The following MMP16 variants were observed in gnomAD, a reference collection of about 807,000 sequenced individuals.
MMP16 encodes matrix metallopeptidase 16.
In MMP16, 12 loss-of-function variants were observed where a neutral mutation model predicts 67.8. The ratio of observed to expected loss-of-function variants is 0.18; its 90% CI spans 0.11 to 0.29. The LOEUF is 0.29. Ranked by LOEUF, MMP16 falls within the 10% of genes least tolerant of loss-of-function variation. The pLI, the probability that MMP16 is intolerant of heterozygous loss-of-function variation, is 1.00. For missense variants in MMP16, 475 were observed against 765.7 expected (o/e 0.62, Z 4.48); for synonymous variants, 249 against 255.9 (o/e 0.97, Z 0.26).
chr8:88,218,388 T>A (rs781638794), intron 1 of MMP16, among the ~76,000 whole-genome samples: 2 of 152,022 alleles, frequency 1.3e-5, no homozygotes, highest in Non-Finnish European at 2.9e-5. Flanking sequence ...AATTGTATGA[T>A]GAATAAGTTC....
intron 4 of MMP16, among the ~76,000 whole-genome samples, chr8:88,152,006 A>C (rs1268206180): frequency 1.3e-5 from 1 of 74,926 alleles, no homozygotes; most frequent in East Asian, 3.3e-4. Context: ...AATCAAATAG[A>C]CACAATAAAA....
At chr8:88,194,073 G>C (rs1487823458) in intron 2 of MMP16, among the ~76,000 whole-genome samples, 1 of 151,622 alleles carries the variant, frequency 6.6e-6, no homozygotes, top group African/African-American at 2.4e-5. Context: ...TTAATATTAA[G>C]GCAATATTAT....
At chr8:88,281,697 G>A (rs1810740194) in intron 1 of MMP16, among the ~76,000 whole-genome samples, 1 of 152,162 alleles carries the variant, frequency 6.6e-6, no homozygotes, top group South Asian at 2.1e-4. Flanking sequence ...TCCCACACCT[G>A]GTAGAAGCAT....
chr8:88,147,276 T>G (rs1315827074), intron 4 of MMP16, among the ~76,000 whole-genome samples: 1 of 152,076 alleles, frequency 6.6e-6, no homozygotes, highest in Non-Finnish European at 1.5e-5. Context: ...CCACTTAACA[T>G]AGTAAAAAAT....
At chr8:88,139,143 T>A (rs1030628018) in intron 4 of MMP16, among the ~76,000 whole-genome samples, 1 of 152,144 alleles carries the variant, frequency 6.6e-6, no homozygotes, top group Non-Finnish European at 1.5e-5. Flanking sequence ...TTGCATTATC[T>A]TTTTCTGTAG....
chr8:88,196,565 T>C (rs754151279), intron 2 of MMP16, among the ~76,000 whole-genome samples: 45 of 152,114 alleles, frequency 3.0e-4, no homozygotes, highest in Non-Finnish European at 3.7e-4. Flanking sequence ...AGCAAAATTA[T>C]TAAAAAATAA....
At chr8:88,048,272 C>T (rs1808223922) in intron 8 of MMP16, among the ~76,000 whole-genome samples, 1 of 152,094 alleles carries the variant, frequency 6.6e-6, no homozygotes, top group Non-Finnish European at 1.5e-5. Flanking sequence ...CAAAGCTCAC[C>T]AAGAGTTAGA....
chr8:88,167,322 T>A (rs1284518406), intron 4 of MMP16, among the ~76,000 whole-genome samples: 2 of 152,012 alleles, frequency 1.3e-5, no homozygotes, highest in Non-Finnish European at 2.9e-5. Flanking sequence ...TGGGATAAGA[T>A]GCAAAAAAAA....
chr8:88,041,376 C>T lies in MMP16; in HGVS notation c.*85G>A. On this transcript the variant is annotated 3_prime_UTR_variant, in exon 10 of 10. Coordinates refer to ENST00000286614, the MANE Select transcript of MMP16 (RefSeq NM_005941.5). This position sits in a 1 kb window ranked among gnomAD's most constrained non-coding sequence, Gnocchi z 6.0. The stretch of plus-strand genomic sequence containing the variant: ...CAGGCTGCCACAAGCCTGCTCCTAG[C>T]TAGGAAACAGCATAACAGCTCTTGT... The T allele has an allele frequency of 7.1e-7, 1 of 1,407,060 alleles. No individual in the cohort carries two copies. The highest frequency in any genetic ancestry group is 1.4e-5 in the African/African-American group (1 of 69,928). 87.2% of individuals were successfully genotyped at this position (1,407,060 alleles called of 1,614,324 possible).
chr8:88,168,415 A>G (rs573761122), intron 3 of MMP16, among the ~76,000 whole-genome samples: 10 of 152,318 alleles, frequency 6.6e-5, no homozygotes, highest in African/African-American at 2.2e-4. Context: ...TGATCTGTAA[A>G]TATGAATTCA....
chr8:88,298,997 T>A (rs554257766), intron 1 of MMP16, among the ~76,000 whole-genome samples: 3 of 152,224 alleles, frequency 2.0e-5, no homozygotes, highest in Non-Finnish European at 2.9e-5. Flanking sequence ...TTTGTAAAAA[T>A]CCATTTTTTT....
chr8:88,229,665 C>A (rs914021135), intron 1 of MMP16, among the ~76,000 whole-genome samples: 2 of 151,742 alleles, frequency 1.3e-5, no homozygotes, highest in South Asian at 2.1e-4. Context: ...AGTGAAGGGG[C>A]CACAGCTATG....
intron 7 of MMP16, chr8:88,069,436 G>A (rs760926455): frequency 1.9e-6 from 1 of 531,450 alleles, no homozygotes; most frequent in South Asian, 1.4e-5. Context: ...GAGAGCACAG[G>A]CACTGACTGC....
chr8:88,161,333 G>A lies in MMP16; in HGVS notation c.709+6336C>T, dbSNP rs545058140. 6.3e-3 allele frequency among the ~76,000 whole-genome samples: 958 copies of A among 152,142 alleles called. 14 individuals are homozygous for A. The highest frequency in any genetic ancestry group is 0.022 in the African/African-American group (909 of 41,538). On this transcript the variant is annotated intron_variant, in intron 4 of 9. Transcript: ENST00000286614. ...CTTCTAGATTTTCTGGTTTATTTGCGTAGAGGTGTTTATAGTATTCTCTGA... is the reference window on the plus strand; with the variant it reads ...CTTCTAGATTTTCTGGTTTATTTGCATAGAGGTGTTTATAGTATTCTCTGA...
intron 1 of MMP16, among the ~76,000 whole-genome samples, chr8:88,206,022 A>G (rs1809420215): frequency 6.6e-6 from 1 of 152,146 alleles, no homozygotes; most frequent in Admixed American, 6.6e-5. Context: ...TTTGTCAAGG[A>G]AACAATCATT....
At chr8:88,088,084 A>ATATATAATCGATATCTATATATC (rs1808871662) in intron 6 of MMP16, among the ~76,000 whole-genome samples, 1 of 113,764 alleles carries the variant, frequency 8.8e-6, no homozygotes, top group Non-Finnish European at 1.8e-5. Context: ...CTATATATCT[A>ATATATAATCGATATCTATATATC]TATATAATAG....
chr8:88,200,264 G>T (rs1483177608), intron 1 of MMP16, among the ~76,000 whole-genome samples: 1 of 151,936 alleles, frequency 6.6e-6, no homozygotes, highest in East Asian at 1.9e-4. Context: ...TTGACAAACT[G>T]ATTTTTGTTA....
chr8:88,073,352 T>C (rs551976553), intron 7 of MMP16, among the ~76,000 whole-genome samples: 1 of 152,330 alleles, frequency 6.6e-6, no homozygotes, highest in South Asian at 2.1e-4. Context: ...CTGGCATTTA[T>C]TGAGGGCTTA....
intron 1 of MMP16, among the ~76,000 whole-genome samples, chr8:88,295,337 G>A (rs1293447425): frequency 2.6e-5 from 4 of 152,090 alleles, no homozygotes; most frequent in Non-Finnish European, 5.9e-5. Context: ...CAGAATGTAG[G>A]TGCCCTAAAC....
Sources: allele counts gnomAD v4.1 joint callset (sites outside exome capture counted in the v4.1 genomes callset), GRCh38; gene constraint gnomAD v4.1.1; non-coding constraint Gnocchi (gnomAD v3.1); transcripts MANE v1.5; gene names NCBI Gene and HGNC (gene_info 2026-07-23, HGNC 2026-07-21).